The following ID4 variants were observed in gnomAD, a reference collection of about 807,000 sequenced individuals.
ID4 encodes DNA-binding protein inhibitor ID-4.
ID4 carries 9 observed loss-of-function variants against 8.6 expected under a neutral mutation model. The observed-to-expected ratio is 1.04, with a 90% CI of 0.63 to 1.82. The LOEUF is 1.82. ID4 is among the 40% of genes most tolerant of loss of function. ID4 has a pLI of 0.00. For synonymous variants in ID4, 180 were observed against 118.0 expected (o/e 1.53, Z -3.41); for missense variants, 270 against 235.1 (o/e 1.15, Z -0.97).
intron 1 of ID4, 24 bp from the exon 2 acceptor site, chr6:19,838,560 C>G (rs764396285): frequency 1.4e-5 from 23 of 1,613,998 alleles, no homozygotes; most frequent in Non-Finnish European, 1.7e-5. Flanking sequence ...TAACCTTTCC[C>G]TTGGTGTTCG....
rs969487868 is a variant in ID4, at chr6:19,839,381, C to G, written c.*186C>G. The stretch of plus-strand genomic sequence containing the variant: ...AAGAAAAATACAACTTTCATTCTTT[C>G]TTTGCACGTTCATAAACATTCTACA... On this transcript the variant is annotated 3_prime_UTR_variant, in exon 3 of 3. Coordinates refer to ENST00000378700, the MANE Select transcript of ID4 (RefSeq NM_001546.4). 2 of 152,672 alleles carry G rather than the reference C, an allele frequency of 1.3e-5. No individual in the cohort carries two copies. Among genetic ancestry groups the G allele is most frequent in the East Asian group, 1.9e-4 (1 of 5,194 alleles). The allele number at this position is 152,672 out of a possible 1,614,324, so 9.5% of individuals were successfully genotyped here. A position where few individuals can be genotyped will look rare whatever the true frequency, so the allele number is the denominator to read the frequency against.
At position 19,840,332 on chromosome 6, in the gene ID4, C is replaced by T. The variant is rs960321708; in HGVS notation, c.*1137C>T. The T allele has an allele frequency of 2.0e-5, 3 of 152,490 alleles. No individual in the cohort carries two copies. The highest frequency in any genetic ancestry group is 2.9e-5 in the Non-Finnish European group (2 of 68,004). 9.4% of individuals were successfully genotyped at this position (152,490 alleles called of 1,614,324 possible). A position where few individuals can be genotyped will look rare whatever the true frequency, so the allele number is the denominator to read the frequency against. ...CATTTTACACTAAAGCTTAATGTCA[C>T]TAAGTTTCATGTCTGTACAGATTAT... is the stretch of plus-strand genomic sequence containing the variant. On this transcript the variant is annotated 3_prime_UTR_variant, in exon 3 of 3. Transcript: ENST00000378700.
At position 19,839,377 on chromosome 6, in the gene ID4, C is replaced by CT. The variant is rs987047614; in HGVS notation, c.*185dup. ...AGGAAAGAAAAATACAACTTTCATT[C>CT]TTTCTTTGCACGTTCATAAACATTC... On this transcript the variant is annotated 3_prime_UTR_variant, in exon 3 of 3. Coordinates refer to ENST00000378700, the MANE Select transcript of ID4 (RefSeq NM_001546.4). The CT allele has an allele frequency of 6.6e-6, 1 of 152,656 alleles. No individual in the cohort carries two copies. Among genetic ancestry groups the CT allele is most frequent in the Non-Finnish European group, 1.5e-5 (1 of 68,078 alleles). 9.5% of individuals were successfully genotyped at this position (152,656 alleles called of 1,614,324 possible). A position where few individuals can be genotyped will look rare whatever the true frequency, so the allele number is the denominator to read the frequency against.
Position 19,837,685 on chromosome 6 carries a change from G to C in ID4, c.-70G>C. The C allele has an allele frequency of 9.7e-7, 1 of 1,030,618 alleles. No individual in the cohort carries two copies. Among genetic ancestry groups the C allele is most frequent in the Non-Finnish European group, 1.2e-6 (1 of 849,492 alleles). The allele number at this position is 1,030,618 out of a possible 1,614,324, so 63.8% of individuals were successfully genotyped here. On this transcript the variant is annotated 5_prime_UTR_variant, in exon 1 of 3. Coordinates refer to ENST00000378700, the MANE Select transcript of ID4 (RefSeq NM_001546.4). Reference sequence around the variant, plus strand: ...AGGGAGCGGAGCCGGCCGCGGACGGGGCCCGGAGCTTGCCTGCCTCCCTCG... The same window carrying C: ...AGGGAGCGGAGCCGGCCGCGGACGGCGCCCGGAGCTTGCCTGCCTCCCTCG...
At position 19,841,537 on chromosome 6, in the gene ID4, GT is replaced by G. The variant is rs1437240988; in HGVS notation, c.*2343del. Among the ~76,000 whole-genome samples the G allele has an allele frequency of 6.6e-6, 1 of 152,106 alleles. No individual in the cohort carries two copies. The highest frequency in any genetic ancestry group is 1.5e-5 in the Non-Finnish European group (1 of 68,012). ...GGACTGTGAACCTCAAAACAAATGG[GT>G]ATTTTTGGGTTTTGAGGATAGATGT... is the stretch of plus-strand genomic sequence containing the variant. On this transcript the variant is annotated 3_prime_UTR_variant, in exon 3 of 3. Coordinates refer to ENST00000378700, the MANE Select transcript of ID4 (RefSeq NM_001546.4).
At chr6:19,838,234 G>C (rs1420556157) in intron 1 of ID4, 39 bp downstream of exon 1, 1 of 1,321,048 alleles carries the variant, frequency 7.6e-7, no homozygotes, top group Admixed American at 4.2e-5. Flanking sequence ...GACGCCGCGG[G>C]GGATGGGAGG....
chr6:19,838,305 A>G (rs994066791), intron 1 of ID4, 110 bp downstream of exon 1: 3 of 1,093,940 alleles, frequency 2.7e-6, no homozygotes, highest in Admixed American at 8.4e-5. Flanking sequence ...CGGGCCAGGA[A>G]TGACAGCCCC....
In ID4 at chr6:19,842,038, C is replaced by T. The variant is rs993883953; in HGVS notation, c.*2843C>T. Among the ~76,000 whole-genome samples, 1 of 152,158 alleles carries T rather than the reference C, an allele frequency of 6.6e-6. No individual in the cohort carries two copies. The highest frequency in any genetic ancestry group is 2.4e-5 in the African/African-American group (1 of 41,434). On this transcript the variant is annotated 3_prime_UTR_variant, in exon 3 of 3. Transcript: ENST00000378700. ...CAATGTTAAAGGAAGAAAAAAAATA[C>T]CTTTTCATTTCAAAGAACTAATATA...
Position 19,838,237 on chromosome 6 carries a change from A to G in ID4, c.441+42A>G, listed in dbSNP as rs575815478. 22 of 1,317,908 alleles carry G rather than the reference A, an allele frequency of 1.7e-5. No individual in the cohort carries two copies. The South Asian group carries it at 4.4e-4, about 26-fold the overall frequency. 81.6% of individuals were successfully genotyped at this position (1,317,908 alleles called of 1,614,324 possible). ...CGGCCGTGGGCGGACGCCGCGGGGG[A>G]TGGGAGGTTGGTGGCGTGGTGGCGG... On this transcript the variant is annotated intron_variant, in intron 1 of 2. Transcript: ENST00000378700.
At position 19,841,505 on chromosome 6, in the gene ID4, T is replaced by C. The variant is rs562399148; in HGVS notation, c.*2310T>C. Among the ~76,000 whole-genome samples, 33 of 152,334 alleles carry C rather than the reference T, an allele frequency of 2.2e-4. No individual in the cohort carries two copies. The South Asian group carries it at 2.5e-3, about 11-fold the overall frequency. ...GCCTTTTGGCGCAGTTTAAAACTTA[T>C]ACTGGTGGACTGTGAACCTCAAAAC... On this transcript the variant is annotated 3_prime_UTR_variant, in exon 3 of 3. Transcript: ENST00000378700.
In ID4 at chr6:19,841,873, T is replaced by G. The variant is rs1171497170; in HGVS notation, c.*2678T>G. ...ACAAAGGAAAATATCCTGACTTCTCTCATTTCATTTGTAGACTTTTCATTG... is the reference window on the plus strand; with the variant it reads ...ACAAAGGAAAATATCCTGACTTCTCGCATTTCATTTGTAGACTTTTCATTG... On this transcript the variant is annotated 3_prime_UTR_variant, in exon 3 of 3. Coordinates refer to ENST00000378700, the MANE Select transcript of ID4 (RefSeq NM_001546.4). Among the ~76,000 whole-genome samples the G allele has an allele frequency of 1.3e-5, 2 of 152,172 alleles. No individual in the cohort carries two copies. Among genetic ancestry groups the G allele is most frequent in the African/African-American group, 4.8e-5 (2 of 41,442 alleles).
Position 19,837,842 on chromosome 6 carries a change from G to A in ID4, c.88G>A (p.Glu30Lys). ...GGAGCTGGCGCTGCGCTGCCTGGCC[G>A]AGCACGGCCACAGCCTGGGTGGCTC... is the stretch of plus-strand genomic sequence containing the variant. The part of the protein sequence containing the change: ...GGELALRCLA[E>K]HGHSLGGSAA... The change falls in exon 1 of 3, where the codon GAG (glutamate) becomes AAG (lysine). Residue 30 changes from glutamate (E) to lysine (K), a missense_variant. Transcript: ENST00000378700. The A allele has an allele frequency of 1.7e-6, 2 of 1,176,548 alleles. No homozygotes were observed. The highest frequency in any genetic ancestry group is 2.1e-6 in the Non-Finnish European group (2 of 951,712). The allele number at this position is 1,176,548 out of a possible 1,614,324, so 72.9% of individuals were successfully genotyped here. A position where few individuals can be genotyped will look rare whatever the true frequency, so the allele number is the denominator to read the frequency against.
In ID4 at chr6:19,840,848, G is replaced by C. The variant is rs1232278255; in HGVS notation, c.*1653G>C. On this transcript the variant is annotated 3_prime_UTR_variant, in exon 3 of 3. Coordinates refer to ENST00000378700, the MANE Select transcript of ID4 (RefSeq NM_001546.4). ...GGGTACTTTACACACAAGTTAGATG[G>C]AATTTTTAGAGTGAAAGAATTAAGT... Among the ~76,000 whole-genome samples the C allele has an allele frequency of 6.6e-6, 1 of 152,148 alleles. No individual in the cohort carries two copies. The highest frequency in any genetic ancestry group is 1.9e-4 in the East Asian group (1 of 5,194).
At chr6:19,838,553 CCT>C (rs1285615064) in intron 1 of ID4, 29 bp from the exon 2 acceptor site, 64 of 1,613,974 alleles carry the variant, frequency 4.0e-5, no homozygotes, top group Non-Finnish European at 5.3e-5. Flanking sequence ...CGCCTGCTAA[CCT>C]TTCCCTTGGT....
rs527944689 is a variant in ID4 at position 19,840,220 on chromosome 6, A to G, written c.*1025A>G. 34 of 152,710 alleles carry G rather than the reference A, an allele frequency of 2.2e-4. No individual in the cohort carries two copies. Among genetic ancestry groups the G allele is most frequent in the Admixed American group, 2.0e-3 (31 of 15,308 alleles). 9.5% of individuals were successfully genotyped at this position (152,710 alleles called of 1,614,324 possible). On this transcript the variant is annotated 3_prime_UTR_variant, in exon 3 of 3. Coordinates refer to ENST00000378700, the MANE Select transcript of ID4 (RefSeq NM_001546.4). Reference sequence around the variant, plus strand: ...CAAAATGGATTCTGAATGATTTTGCATATGGGATGAGGAAATGCTTGGATC... The same window carrying G: ...CAAAATGGATTCTGAATGATTTTGCGTATGGGATGAGGAAATGCTTGGATC...
In ID4 at chr6:19,841,355, G is replaced by A. The variant is rs1761356471; in HGVS notation, c.*2160G>A. Among the ~76,000 whole-genome samples, 1 of 152,130 alleles carries A rather than the reference G, an allele frequency of 6.6e-6. No individual in the cohort carries two copies. Among genetic ancestry groups the A allele is most frequent in the Non-Finnish European group, 1.5e-5 (1 of 67,994 alleles). ...AAGAATTCTAACGACTGCATTCTTTGTTATTAAAAAGGGCACAATCCTTCC... is the reference window on the plus strand; with the variant it reads ...AAGAATTCTAACGACTGCATTCTTTATTATTAAAAAGGGCACAATCCTTCC... On this transcript the variant is annotated 3_prime_UTR_variant, in exon 3 of 3. Transcript: ENST00000378700.
rs921514440 is a variant in ID4, at chr6:19,839,267, A to G, written c.*72A>G. On this transcript the variant is annotated 3_prime_UTR_variant, in exon 3 of 3. Coordinates refer to ENST00000378700, the MANE Select transcript of ID4 (RefSeq NM_001546.4). ...CTAGAGAGGGAGGGGGAAGAGCAGAAGTTAGAGAAAAAAAGCCACCGGAGG... is the reference window on the plus strand; with the variant it reads ...CTAGAGAGGGAGGGGGAAGAGCAGAGGTTAGAGAAAAAAAGCCACCGGAGG... 1.3e-5 allele frequency: 2 copies of G among 152,304 alleles called. No individual in the cohort carries two copies. The highest frequency in any genetic ancestry group is 4.8e-5 in the African/African-American group (2 of 41,242). 9.4% of individuals were successfully genotyped at this position (152,304 alleles called of 1,614,324 possible).
At position 19,838,005 on chromosome 6, in the gene ID4, C is replaced by G. The variant is rs200937732; in HGVS notation, c.251C>G (p.Pro84Arg). 6 of 1,603,766 alleles carry G rather than the reference C, an allele frequency of 3.7e-6. No homozygotes were observed. The East Asian group carries it at 1.4e-4, about 36-fold the overall frequency. The stretch of plus-strand genomic sequence containing the variant: ...CGGAGGCTGGTGCCCACCATCCCGC[C>G]CAACAAGAAAGTCAGCAAAGTGGAG... ...RLRRLVPTIP[P>R]NKKVSKVEIL... Residue 84 changes from proline (P) to arginine (R), a missense_variant, in exon 1 of 3, where the codon CCC becomes CGC. Coordinates refer to ENST00000378700, the MANE Select transcript of ID4 (RefSeq NM_001546.4).
Position 19,837,543 on chromosome 6 carries a change from C to G in ID4, c.-212C>G, listed in dbSNP as rs11759102. On this transcript the variant is annotated 5_prime_UTR_variant, in exon 1 of 3. Transcript: ENST00000378700. The stretch of plus-strand genomic sequence containing the variant: ...TTTTGCTTTTTTTTTCCTTTGGGCT[C>G]GGGCTGAGTGTCGCCCACTGAGCAA... 2 of 222,676 alleles carry G rather than the reference C, an allele frequency of 9.0e-6. No homozygotes were observed. The highest frequency in any genetic ancestry group is 1.2e-4 in the Admixed American group (2 of 16,620). The allele number at this position is 222,676 out of a possible 1,614,324, so 13.8% of individuals were successfully genotyped here.
Sources: allele counts gnomAD v4.1 joint callset (sites outside exome capture counted in the v4.1 genomes callset), GRCh38; gene constraint gnomAD v4.1.1; transcripts MANE v1.5; gene names NCBI Gene and HGNC (gene_info 2026-07-23, HGNC 2026-07-21).